PRKAR1B: variants seen among roughly 807,000 people sequenced by gnomAD.
PRKAR1B encodes the protein protein kinase cAMP-dependent type I regulatory subunit beta.
Under a neutral mutation model 46.5 loss-of-function variants are expected in PRKAR1B, and 22 were observed. The ratio of observed to expected loss-of-function variants is 0.47; its 90% CI spans 0.34 to 0.68. The LOEUF (loss-of-function observed/expected upper bound fraction) is 0.68, where lower values mean the gene tolerates loss of function less well. PRKAR1B is among the 30% of genes least tolerant of loss of function. The pLI is 0.01. For synonymous variants in PRKAR1B, 259 were observed against 217.7 expected, an observed-to-expected ratio of 1.19 and a Z score of -1.67; for missense variants, 445 against 535.6, an observed-to-expected ratio of 0.83 and a Z score of 1.67.
At position 584,560 on chromosome 7, in the gene PRKAR1B, C is replaced by T. The variant is rs1252126858; in HGVS notation, c.717G>A (p.Thr239=). 2.5e-6 allele frequency: 4 copies of T among 1,613,644 alleles called. No individual in the cohort carries two copies. Among genetic ancestry groups the T allele is most frequent in the East Asian group, 2.2e-5 (1 of 44,878 alleles). ...DSYRRILMGS[T]LRKRKMYEEF... is the part of the protein sequence containing the mutation. ...CCTCGTACATCTTGCGTTTCCTCAGCGTGCTGCCCTGTTCGGGAGAAAGTA... is the reference window on the plus strand; with the variant it reads ...CCTCGTACATCTTGCGTTTCCTCAGTGTGCTGCCCTGTTCGGGAGAAAGTA... Residue 239 remains threonine (T), a synonymous_variant, in exon 8 of 11, where the codon ACG becomes ACA. Transcript: ENST00000537384.
intron 4 of PRKAR1B, among the ~76,000 whole-genome samples, chr7:658,685 C>G (rs1222533781): frequency 6.6e-6 from 1 of 152,116 alleles, no homozygotes; most frequent in Non-Finnish European, 1.5e-5. Context: ...GAGTCTTACT[C>G]TGTTGCCCAG....
chr7:662,164 C>T (rs575632484), intron 4 of PRKAR1B, among the ~76,000 whole-genome samples: 1 of 113,344 alleles, frequency 8.8e-6, no homozygotes, highest in Admixed American at 8.3e-5. Flanking sequence ...CAGGTCCACA[C>T]CCCAACAGAT....
rs1562615593 is a variant in PRKAR1B, at chr7:685,297, T to TATGTATAC, written c.178-4572_178-4571insGTATACAT. On this transcript the variant is annotated intron_variant, in intron 2 of 10. Coordinates refer to ENST00000537384, the MANE Select transcript of PRKAR1B (RefSeq NM_001164760.2). ...ATATATACGTATATATATGTATACA[T>TATGTATAC]ATATATATACGTATATATACGTATA... is the stretch of plus-strand genomic sequence containing the variant. Among the ~76,000 whole-genome samples, 17 of 9,052 alleles carry TATGTATAC rather than the reference T, an allele frequency of 1.9e-3. 3 individuals are homozygous for TATGTATAC. Among genetic ancestry groups the TATGTATAC allele is most frequent in the African/African-American group, 6.3e-3 (16 of 2,534 alleles). The allele number at this position is 9,052 out of a possible 152,430, so 5.9% of individuals were successfully genotyped here.
In PRKAR1B at chr7:549,695, C is replaced by T. The variant is rs1317716443; in HGVS notation, c.*735G>A. On this transcript the variant is annotated 3_prime_UTR_variant, in exon 11 of 11. Coordinates refer to ENST00000537384, the MANE Select transcript of PRKAR1B (RefSeq NM_001164760.2). Reference sequence around the variant, plus strand: ...ACGGCCTGCTGGAGTCCCGCCAGCCCCTCCCAAAGGAACTTCGAGCCCGGC... The same window carrying T: ...ACGGCCTGCTGGAGTCCCGCCAGCCTCTCCCAAAGGAACTTCGAGCCCGGC... 1 of 152,252 alleles carries T rather than the reference C, an allele frequency of 6.6e-6. No homozygotes were observed. The highest frequency in any genetic ancestry group is 1.5e-5 in the Non-Finnish European group (1 of 68,108). 9.4% of individuals were successfully genotyped at this position (152,252 alleles called of 1,614,324 possible). A position where few individuals can be genotyped will look rare whatever the true frequency, so the allele number is the denominator to read the frequency against.
chr7:706,713 C>CCG (rs1207356615), intron 2 of PRKAR1B, among the ~76,000 whole-genome samples: 1 of 151,942 alleles, frequency 6.6e-6, no homozygotes, highest in East Asian at 1.9e-4. Context: ...GCATGAGCCA[C>CCG]CGCGCCCGGC....
chr7:628,208 G>A (rs998501573), intron 4 of PRKAR1B, among the ~76,000 whole-genome samples: 3 of 152,254 alleles, frequency 2.0e-5, no homozygotes, highest in Non-Finnish European at 2.9e-5. Context: ...CAGACTCAGC[G>A]ATGGGCTCTG....
chr7:627,099 T>G (rs1366239720), intron 4 of PRKAR1B, among the ~76,000 whole-genome samples: 1 of 152,198 alleles, frequency 6.6e-6, no homozygotes, highest in African/African-American at 2.4e-5. Flanking sequence ...GGTCTCAATC[T>G]CTTGACCTCG....
At chr7:604,206 G>A (rs1009541538) in intron 6 of PRKAR1B, among the ~76,000 whole-genome samples, 1 of 152,232 alleles carries the variant, frequency 6.6e-6, no homozygotes, top group Non-Finnish European at 1.5e-5. Flanking sequence ...TGCCCGGCTG[G>A]GATGCTGGCC....
chr7:660,492 C>CT (rs1443196292), intron 4 of PRKAR1B, among the ~76,000 whole-genome samples: 38 of 127,202 alleles, frequency 3.0e-4, no homozygotes, highest in South Asian at 1.2e-3. Context: ...CAGGTCCCCA[C>CT]CCCAACAGAT....
At chr7:607,744 C>T (rs888538824) in intron 4 of PRKAR1B, 16 of 311,252 alleles carry the variant, frequency 5.1e-5, no homozygotes, top group African/African-American at 3.3e-4. Context: ...GCATTTTGAA[C>T]TCCATTTAGA....
intron 9 of PRKAR1B, among the ~76,000 whole-genome samples, chr7:569,880 G>C (rs867694062): frequency 6.5e-4 from 99 of 152,194 alleles, no homozygotes; most frequent in African/African-American, 2.2e-3. Flanking sequence ...GAGGGCCCTG[G>C]AACCGTCACT....
intron 4 of PRKAR1B, among the ~76,000 whole-genome samples, chr7:646,529 C>T (rs1784631091): frequency 6.6e-6 from 1 of 152,254 alleles, no homozygotes; most frequent in African/African-American, 2.4e-5. Flanking sequence ...GAGCTAATGA[C>T]AGCTCTGGAG....
chr7:611,206 C>A (rs1168372863), intron 4 of PRKAR1B, among the ~76,000 whole-genome samples: 2 of 152,262 alleles, frequency 1.3e-5, no homozygotes, highest in Admixed American at 1.3e-4. Flanking sequence ...GGTCTGGCTT[C>A]CCTATAGGGG....
At chr7:599,421 C>T (rs529075636) in intron 6 of PRKAR1B, among the ~76,000 whole-genome samples, 1 of 152,214 alleles carries the variant, frequency 6.6e-6, no homozygotes, top group Non-Finnish European at 1.5e-5. Context: ...CCTCAGCCTC[C>T]CGGATTACAG....
intron 7 of PRKAR1B, among the ~76,000 whole-genome samples, chr7:590,836 C>G (rs1014846307): frequency 6.6e-6 from 1 of 152,104 alleles, no homozygotes; most frequent in African/African-American, 2.4e-5. Flanking sequence ...CTGAACGAAC[C>G]GGGCTTCCTC....
intron 4 of PRKAR1B, among the ~76,000 whole-genome samples, chr7:662,760 C>T (rs1265818605): frequency 1.3e-5 from 2 of 152,214 alleles, no homozygotes; most frequent in African/African-American, 2.4e-5. Context: ...TCCAGTCCCA[C>T]GGGCACCCAC....
At chr7:717,276 T>G in intron 1 of PRKAR1B, among the ~76,000 whole-genome samples, 1 of 138,436 alleles carries the variant, frequency 7.2e-6, no homozygotes, top group African/African-American at 2.7e-5. Context: ...GCAACAGGAG[T>G]GAAACCCAGT....
rs565020253 is a variant in PRKAR1B at position 582,476 on chromosome 7, C to A, written c.769+2032G>T. On this transcript the variant is annotated intron_variant, in intron 8 of 10. Transcript: ENST00000537384. Reference sequence around the variant, plus strand: ...TGCTGACTGGGCAGGAAAAGGGAATCGTGCCTTGTGGTTACTCTTCTGGGA... The same window carrying A: ...TGCTGACTGGGCAGGAAAAGGGAATAGTGCCTTGTGGTTACTCTTCTGGGA... 9.1e-4 allele frequency among the ~76,000 whole-genome samples: 138 copies of A among 152,372 alleles called. 1 individual carries two copies. Among genetic ancestry groups the A allele is most frequent in the African/African-American group, 3.2e-3 (134 of 41,590 alleles).
At chr7:721,069 C>T (rs971162748) in intron 1 of PRKAR1B, among the ~76,000 whole-genome samples, 2 of 152,218 alleles carry the variant, frequency 1.3e-5, no homozygotes, top group Non-Finnish European at 2.9e-5. Context: ...TCACCATATA[C>T]ATATGCAACC....
Sources: allele counts gnomAD v4.1 joint callset (sites outside exome capture counted in the v4.1 genomes callset), GRCh38; gene constraint gnomAD v4.1.1; transcripts MANE v1.5; gene names NCBI Gene and HGNC (gene_info 2026-07-23, HGNC 2026-07-21).